GARIN5B: variants seen among roughly 807,000 people sequenced by gnomAD.
The protein encoded by GARIN5B is Golgi-associated RAB2 interactor protein 5B.
the GARIN5B span, chr19:55,362,424 G>A: frequency 6.6e-5 from 103 of 1,550,470 alleles, no homozygotes; most frequent in East Asian, 2.2e-3. Context: ...TAGTACTGGC[G>A]GCCCGAGACC....
the GARIN5B span, chr19:55,354,962 GCCCCCGCCCC>G: frequency 7.2e-5 from 12 of 167,788 alleles, no homozygotes; most frequent in East Asian, 3.4e-4. Flanking sequence ...CCACGGGCTC[GCCCCCGCCCC>G]CCCCCGCCCC....
the GARIN5B span, chr19:55,359,365 C>A: frequency 2.2e-6 from 3 of 1,357,840 alleles, no homozygotes; most frequent in Non-Finnish European, 2.9e-6. Context: ...GGGGTGGGGT[C>A]TTCTGGGGTG....
At chr19:55,356,998 A>C in the GARIN5B span, among the ~76,000 whole-genome samples, 2 of 152,158 alleles carry the variant, frequency 1.3e-5, no homozygotes, top group Non-Finnish European at 2.9e-5. Context: ...CAGAGGTTGC[A>C]GTGAGCTGAG....
At chr19:55,358,523 TCGCCCC>T in the GARIN5B span, 1 of 31,692 alleles carries the variant, frequency 3.2e-5, no homozygotes, top group Non-Finnish European at 4.4e-5. Context: ...CTCCTTCATC[TCGCCCC>T]ATGGCTGCTC....
At chr19:55,363,202 C>T in the GARIN5B span, 338 of 948,050 alleles carry the variant, frequency 3.6e-4, no homozygotes, top group South Asian at 2.2e-3. The surrounding 1 kb of genome is among the most constrained non-coding windows in gnomAD (Gnocchi z 4.0). Context: ...GTGGAGATGC[C>T]CCAGGCTGGG....
the GARIN5B span, among the ~76,000 whole-genome samples, chr19:55,356,788 G>A: frequency 3.3e-5 from 5 of 151,930 alleles, no homozygotes; most frequent in South Asian, 2.1e-4. Flanking sequence ...GGTGGCTCAC[G>A]TCTGTAATCC....
At chr19:55,362,230 G>A in the GARIN5B span, 1 of 1,513,930 alleles carries the variant, frequency 6.6e-7, no homozygotes, top group Non-Finnish European at 8.9e-7. Flanking sequence ...CTGGTCTGTG[G>A]AGCTGGGATC....
At chr19:55,362,879 C>T in the GARIN5B span, 1 of 1,478,730 alleles carries the variant, frequency 6.8e-7, no homozygotes, top group East Asian at 2.5e-5. Context: ...TGCTTCCCCT[C>T]TGTCCCTCTC....
At chr19:55,362,282 G>T in the GARIN5B span, 7 of 1,547,152 alleles carry the variant, frequency 4.5e-6, no homozygotes, top group South Asian at 7.2e-5. Context: ...TTCGGCCAGC[G>T]GCATATCCAG....
chr19:55,358,428 G>A, the GARIN5B span: 1 of 1,511,590 alleles, frequency 6.6e-7, no homozygotes, highest in Admixed American at 2.2e-5. Context: ...ATAGGCGCCT[G>A]GGAGATTCCT....
At chr19:55,363,009 C>A in the GARIN5B span, 1 of 1,489,338 alleles carries the variant, frequency 6.7e-7, no homozygotes. The surrounding 1 kb of genome is among the most constrained non-coding windows in gnomAD (Gnocchi z 4.0). Flanking sequence ...AGAACAGGGA[C>A]CCACTTCGGG....
chr19:55,359,685 C>A, the GARIN5B span: 6 of 1,551,400 alleles, frequency 3.9e-6, no homozygotes, highest in East Asian at 2.4e-5. Flanking sequence ...GGTGGTGGCC[C>A]CGGCCCCTGG....
chr19:55,362,385 C>A, the GARIN5B span: 1 of 1,550,426 alleles, frequency 6.4e-7, no homozygotes, highest in South Asian at 1.2e-5. Context: ...AGGAAGCCCA[C>A]CTCGTTGTCA....
the GARIN5B span, chr19:55,363,007 G>A: frequency 2.7e-6 from 4 of 1,488,846 alleles, no homozygotes; most frequent in Non-Finnish European, 3.6e-6. The surrounding 1 kb of genome is among the most constrained non-coding windows in gnomAD (Gnocchi z 4.0). Context: ...CCAGAACAGG[G>A]ACCCACTTCG....
the GARIN5B span, chr19:55,363,057 G>C: frequency 2.7e-6 from 4 of 1,498,024 alleles, no homozygotes; most frequent in Non-Finnish European, 3.5e-6. The surrounding 1 kb of genome is among the most constrained non-coding windows in gnomAD (Gnocchi z 4.0). Context: ...CTGTTTCGAA[G>C]CCAGATCATG....
chr19:55,362,391 T>C, the GARIN5B span: 1 of 1,550,234 alleles, frequency 6.5e-7, no homozygotes, highest in Non-Finnish European at 8.7e-7. Flanking sequence ...CCCACCTCGT[T>C]GTCAGGGGCG....
chr19:55,359,430 G>A, the GARIN5B span: 8 of 1,549,512 alleles, frequency 5.2e-6, no homozygotes, highest in African/African-American at 1.4e-5. Flanking sequence ...GAGGCCTTCC[G>A]GGATGGAGCA....
chr19:55,359,934 C>T, the GARIN5B span: 1 of 1,551,018 alleles, frequency 6.4e-7, no homozygotes, highest in Non-Finnish European at 8.7e-7. Flanking sequence ...GGGCTCTCAA[C>T]CACATGTCCC....
the GARIN5B span, chr19:55,362,855 A>G: frequency 6.8e-7 from 1 of 1,468,742 alleles, no homozygotes; most frequent in Non-Finnish European, 9.1e-7. Context: ...AAGATCCCCC[A>G]GCACGGGGGG....
Sources: allele counts gnomAD v4.1 joint callset (sites outside exome capture counted in the v4.1 genomes callset), GRCh38; gene constraint gnomAD v4.1.1; non-coding constraint Gnocchi (gnomAD v3.1); transcripts MANE v1.5; gene names NCBI Gene and HGNC (gene_info 2026-07-23, HGNC 2026-07-21).